The following OPA1 variants were observed in gnomAD, a reference collection of about 807,000 sequenced individuals.
OPA1 encodes the protein dynamin-like GTPase OPA1, mitochondrial.
In OPA1, 59 loss-of-function variants were observed where a neutral mutation model predicts 152.9. The ratio of observed to expected loss-of-function variants is 0.39; its 90% CI spans 0.31 to 0.48. The LOEUF is 0.48. Ranked by LOEUF, OPA1 falls within the 20% of genes least tolerant of loss-of-function variation. The pLI, the probability that OPA1 is intolerant of heterozygous loss-of-function variation, is 0.96. For missense variants in OPA1, 1,008 were observed against 1,216.8 expected (o/e 0.83, Z 2.55); for synonymous variants, 400 against 389.9 (o/e 1.03, Z -0.31).
At chr3:193,660,308 C>G (rs1319224589) in intron 25 of OPA1, among the ~76,000 whole-genome samples, 2 of 152,136 alleles carry the variant, frequency 1.3e-5, no homozygotes, top group Non-Finnish European at 2.9e-5. Flanking sequence ...ACCACTGTCT[C>G]ATTCCTTGTT....
chr3:193,613,841 G>A (rs554153393), intron 1 of OPA1: 45 of 491,834 alleles, frequency 9.1e-5, no homozygotes, highest in Non-Finnish European at 1.6e-4. Context: ...GCCTCCCAAA[G>A]TGCTGGGATT....
At chr3:193,647,761 G>C (rs2109075482) in intron 19 of OPA1, among the ~76,000 whole-genome samples, 1 of 152,246 alleles carries the variant, frequency 6.6e-6, no homozygotes, top group South Asian at 2.1e-4. Flanking sequence ...CACAACATGG[G>C]TAATAGGCCC....
intron 21 of OPA1, among the ~76,000 whole-genome samples, chr3:193,651,619 A>AG (rs1215387629): frequency 6.6e-6 from 1 of 152,196 alleles, no homozygotes; most frequent in Non-Finnish European, 1.5e-5. Context: ...GTTTATATAG[A>AG]GCAGATTACT....
intron 29 of OPA1, among the ~76,000 whole-genome samples, chr3:193,669,128 G>A (rs1268332588): frequency 6.6e-6 from 1 of 152,190 alleles, no homozygotes; most frequent in African/African-American, 2.4e-5. Flanking sequence ...TGAGTTGTAG[G>A]ATTACAGTAC....
chr3:193,693,367 C>A (rs186010813), intron 30 of OPA1, among the ~76,000 whole-genome samples: 2 of 152,174 alleles, frequency 1.3e-5, no homozygotes, highest in African/African-American at 2.4e-5. Context: ...CAGGCCAGTG[C>A]GGTGGCTCAC....
intron 1 of OPA1, among the ~76,000 whole-genome samples, chr3:193,596,109 G>A (rs1196151954): frequency 6.6e-6 from 1 of 151,418 alleles, no homozygotes; most frequent in Non-Finnish European, 1.5e-5. Context: ...CATCCCACGG[G>A]ATGCATTCCG....
At chr3:193,668,792 G>GA in intron 29 of OPA1, 1 of 1,180,858 alleles carries the variant, frequency 8.5e-7, no homozygotes, top group Non-Finnish European at 1.1e-6. Flanking sequence ...ACTGTTTGGG[G>GA]TTGATATTTG....
At chr3:193,600,332 G>T (rs539482957) in intron 1 of OPA1, among the ~76,000 whole-genome samples, 2 of 152,248 alleles carry the variant, frequency 1.3e-5, no homozygotes, top group South Asian at 4.1e-4. Flanking sequence ...TGTTAATAGG[G>T]AATTCACAAG....
At chr3:193,670,658 G>A (rs1193435526) in intron 29 of OPA1, among the ~76,000 whole-genome samples, 1 of 152,124 alleles carries the variant, frequency 6.6e-6, no homozygotes, top group Non-Finnish European at 1.5e-5. Flanking sequence ...GAGCCACCAT[G>A]CCCAGCCCTG....
chr3:193,690,645 T>C (rs1195162061), intron 29 of OPA1, among the ~76,000 whole-genome samples: 1 of 152,308 alleles, frequency 6.6e-6, no homozygotes, highest in East Asian at 1.9e-4. Context: ...TTCATTTTCT[T>C]GGGTACTCAT....
chr3:193,616,493 C>T (rs1052819897), intron 3 of OPA1, among the ~76,000 whole-genome samples: 16 of 152,180 alleles, frequency 1.1e-4, no homozygotes, highest in African/African-American at 3.6e-4. Flanking sequence ...ATATCATTTT[C>T]TGCATTATGT....
intron 23 of OPA1, among the ~76,000 whole-genome samples, 156 bp downstream of exon 23, chr3:193,657,388 A>G (rs1259795416): frequency 6.6e-6 from 1 of 152,218 alleles, no homozygotes; most frequent in Non-Finnish European, 1.5e-5. Context: ...CTGCCCTTTA[A>G]TATTTCCCTG....
At chr3:193,665,399 CTG>C (rs1003856006) in intron 27 of OPA1, among the ~76,000 whole-genome samples, 2 of 151,818 alleles carry the variant, frequency 1.3e-5, no homozygotes, top group Admixed American at 1.3e-4. Context: ...GTGTGTGTAT[CTG>C]TGTGTGTAAC....
chr3:193,665,395 G>T lies in OPA1; in HGVS notation c.2778+399G>T, dbSNP rs552628131. ...AGAGAGGGAAAGAGAAAGTGTGTGT[G>T]TATCTGTGTGTGTAACATAACCATC... On this transcript the variant is annotated intron_variant, in intron 27 of 30. Coordinates refer to ENST00000361510, the MANE Select transcript of OPA1 (RefSeq NM_130837.3). 6.6e-4 allele frequency among the ~76,000 whole-genome samples: 101 copies of T among 152,158 alleles called. 3 individuals carry two copies. The South Asian group carries it at 0.013, about 19-fold the overall frequency.
intron 29 of OPA1, among the ~76,000 whole-genome samples, chr3:193,674,553 A>G (rs1347428317): frequency 6.6e-6 from 1 of 152,244 alleles, no homozygotes; most frequent in African/African-American, 2.4e-5. Context: ...AATCCAAAAT[A>G]TAGTTCTAAT....
chr3:193,690,893 A>G (rs1721585548), intron 29 of OPA1, among the ~76,000 whole-genome samples: 1 of 152,114 alleles, frequency 6.6e-6, no homozygotes, highest in South Asian at 2.1e-4. Flanking sequence ...GAACAAAAAT[A>G]TTTATCATGC....
At position 193,693,353 on chromosome 3, in the gene OPA1, A is replaced by T. The variant is rs570936115; in HGVS notation, c.*5+1221A>T. ...ATTTCATTTGTTTCTTTAGTAAGTT[A>T]AGACAGGCCAGTGCGGTGGCTCACT... is the stretch of plus-strand genomic sequence containing the variant. On this transcript the variant is annotated intron_variant, in intron 30 of 30. Transcript: ENST00000361510. 3.3e-5 allele frequency among the ~76,000 whole-genome samples: 5 copies of T among 152,354 alleles called. No individual in the cohort carries two copies. The South Asian group carries it at 1.0e-3, about 32-fold the overall frequency.
Position 193,649,001 on chromosome 3 carries a change from A to T in OPA1, c.2012+130A>T, listed in dbSNP as rs574800388. The T allele has an allele frequency of 1.5e-4, 95 of 654,768 alleles. No homozygotes were observed. The East Asian group carries it at 2.4e-3, about 17-fold the overall frequency. The allele number at this position is 654,768 out of a possible 1,614,324, so 40.6% of individuals were successfully genotyped here. On this transcript the variant is annotated intron_variant, in intron 21 of 30. Coordinates refer to ENST00000361510, the MANE Select transcript of OPA1 (RefSeq NM_130837.3). ...CTCATAGGCAAAAACGTAATAGTATATTTTTTTGGCAATATCTAACTACTT... is the reference window on the plus strand; with the variant it reads ...CTCATAGGCAAAAACGTAATAGTATTTTTTTTTGGCAATATCTAACTACTT...
intron 1 of OPA1, among the ~76,000 whole-genome samples, chr3:193,609,830 C>T (rs150210411): frequency 6.6e-5 from 10 of 152,250 alleles, no homozygotes; most frequent in Middle Eastern, 3.4e-3. Context: ...TTGATCGAAT[C>T]GGCTACTGAG....
Sources: allele counts gnomAD v4.1 joint callset (sites outside exome capture counted in the v4.1 genomes callset), GRCh38; gene constraint gnomAD v4.1.1; transcripts MANE v1.5; gene names NCBI Gene and HGNC (gene_info 2026-07-23, HGNC 2026-07-21).